The following AK5 variants were observed in gnomAD, a reference collection of about 807,000 sequenced individuals.
The protein encoded by AK5 is adenylate kinase isoenzyme 5.
Under a neutral mutation model 69.5 loss-of-function variants are expected in AK5, and 27 were observed. The observed-to-expected ratio is 0.39, with a 90% CI of 0.29 to 0.54. The LOEUF (loss-of-function observed/expected upper bound fraction) is 0.54, where lower values mean the gene tolerates loss of function less well. AK5 is among the 20% of genes least tolerant of loss of function. The pLI, the probability that AK5 is intolerant of heterozygous loss-of-function variation, is 0.71. For synonymous variants in AK5, 260 were observed against 244.4 expected (o/e 1.06, Z -0.60); for missense variants, 531 against 700.4 (o/e 0.76, Z 2.73).
intron 6 of AK5, among the ~76,000 whole-genome samples, chr1:77,400,181 A>T (rs1357253789): frequency 6.6e-6 from 1 of 152,108 alleles, no homozygotes; most frequent in Non-Finnish European, 1.5e-5. Flanking sequence ...CCATCCTAAG[A>T]CTACTTCCAA....
chr1:77,557,906 G>A (rs1409623080), intron 13 of AK5, among the ~76,000 whole-genome samples: 2 of 64,594 alleles, frequency 3.1e-5, no homozygotes, highest in Non-Finnish European at 6.2e-5. Context: ...ACCCCCCACC[G>A]CCCTCTGTTC....
In AK5 at chr1:77,367,701, TTA is replaced by T. The variant is rs1363181716; in HGVS notation, c.891+27141_891+27142del. Among the ~76,000 whole-genome samples, 37 of 84,934 alleles carry T rather than the reference TTA, an allele frequency of 4.4e-4. 2 individuals are homozygous for T. In the East Asian group the frequency reaches 6.6e-3, roughly 15 times the overall value. The allele number at this position is 84,934 out of a possible 152,430, so 55.7% of individuals were successfully genotyped here. The stretch of plus-strand genomic sequence containing the variant: ...ATATATGTTATATATACGTTATATG[TTA>T]TATATATGTTATATATAATATATGT... On this transcript the variant is annotated intron_variant, in intron 6 of 13. Coordinates refer to ENST00000354567, the MANE Select transcript of AK5 (RefSeq NM_174858.3).
intron 13 of AK5, among the ~76,000 whole-genome samples, chr1:77,553,848 G>A (rs1238075835): frequency 6.6e-6 from 1 of 152,108 alleles, no homozygotes. Context: ...GTTTGATAAG[G>A]CGAGCTCAGG....
At chr1:77,487,235 T>A (rs554048419) in intron 10 of AK5, among the ~76,000 whole-genome samples, 7 of 152,308 alleles carry the variant, frequency 4.6e-5, no homozygotes, top group Admixed American at 4.6e-4. Flanking sequence ...CTATTACATA[T>A]CTATTACATA....
intron 6 of AK5, among the ~76,000 whole-genome samples, chr1:77,343,539 C>T (rs976336827): frequency 2.0e-5 from 3 of 152,082 alleles, no homozygotes; most frequent in Non-Finnish European, 4.4e-5. Context: ...ATGCAGAGAG[C>T]GTGTTTTAAG....
At chr1:77,334,490 T>C (rs1203093551) in intron 5 of AK5, among the ~76,000 whole-genome samples, 1 of 152,174 alleles carries the variant, frequency 6.6e-6, no homozygotes, top group Non-Finnish European at 1.5e-5. Context: ...TGATGGCTTT[T>C]GTCAGTTTGG....
chr1:77,470,864 TATATATATA>T (rs1489906553), intron 8 of AK5, among the ~76,000 whole-genome samples: 13 of 2,586 alleles, frequency 5.0e-3, no homozygotes, highest in Admixed American at 0.011. Flanking sequence ...TATATATATA[TATATATATA>T]TATTTTTTTT....
chr1:77,461,447 A>G (rs775099551), intron 8 of AK5, among the ~76,000 whole-genome samples: 34 of 151,550 alleles, frequency 2.2e-4, no homozygotes, highest in Non-Finnish European at 4.1e-4. Context: ...GTCAAAGCAT[A>G]TATAATGACA....
chr1:77,463,008 T>A (rs1179002756), intron 8 of AK5, among the ~76,000 whole-genome samples: 1 of 152,216 alleles, frequency 6.6e-6, no homozygotes, highest in Non-Finnish European at 1.5e-5. Context: ...AAATCTTTCT[T>A]TTTATGATGT....
At chr1:77,414,811 C>T (rs575488333) in intron 7 of AK5, among the ~76,000 whole-genome samples, 9 of 152,170 alleles carry the variant, frequency 5.9e-5, no homozygotes, top group African/African-American at 1.4e-4. Context: ...AATTATCCAA[C>T]GAAAGAAGGC....
chr1:77,434,654 A>G (rs1233123069), intron 8 of AK5, among the ~76,000 whole-genome samples: 1 of 152,216 alleles, frequency 6.6e-6, no homozygotes, highest in Non-Finnish European at 1.5e-5. Flanking sequence ...AAAAAACATA[A>G]TAAAGACAAT....
intron 1 of AK5, chr1:77,282,697 C>T (rs1166902672): frequency 2.5e-5 from 28 of 1,106,004 alleles, no homozygotes; most frequent in African/African-American, 3.3e-5. Flanking sequence ...GGGCCGCACT[C>T]TCTGGGGGCG....
Position 77,559,458 on chromosome 1 carries a change from A to C in AK5, c.*788A>C, listed in dbSNP as rs914800438. The C allele has an allele frequency of 1.3e-5, 2 of 152,230 alleles. No homozygotes were observed. The highest frequency in any genetic ancestry group is 4.8e-5 in the African/African-American group (2 of 41,460). 9.4% of individuals were successfully genotyped at this position (152,230 alleles called of 1,614,324 possible). A position where few individuals can be genotyped will look rare whatever the true frequency, so the allele number is the denominator to read the frequency against. On this transcript the variant is annotated 3_prime_UTR_variant, in exon 14 of 14. Coordinates refer to ENST00000354567, the MANE Select transcript of AK5 (RefSeq NM_174858.3). The stretch of plus-strand genomic sequence containing the variant: ...CAATTATAAATTAATATAAATGACC[A>C]AAAGTAACTTAAAAGCATGAGATAT...
At chr1:77,375,857 G>A (rs1647217327) in intron 6 of AK5, among the ~76,000 whole-genome samples, 1 of 152,144 alleles carries the variant, frequency 6.6e-6, no homozygotes, top group Admixed American at 6.5e-5. Context: ...CCTGCCACTT[G>A]CTACATGTGT....
chr1:77,384,135 A>G (rs1307532046), intron 6 of AK5, among the ~76,000 whole-genome samples: 1 of 152,172 alleles, frequency 6.6e-6, no homozygotes, highest in Non-Finnish European at 1.5e-5. Flanking sequence ...AAAAGTTCAT[A>G]CTTGGCTGTT....
At chr1:77,444,388 TATATAGTATAA>T (rs1652585633) in intron 8 of AK5, among the ~76,000 whole-genome samples, 1 of 41,248 alleles carries the variant, frequency 2.4e-5, no homozygotes, top group Non-Finnish European at 4.8e-5. Flanking sequence ...ATATATAGTA[TATATAGTATAA>T]ATATATACTA....
At chr1:77,332,988 A>G (rs1661168150) in intron 5 of AK5, among the ~76,000 whole-genome samples, 1 of 151,844 alleles carries the variant, frequency 6.6e-6, no homozygotes, top group Non-Finnish European at 1.5e-5. Flanking sequence ...TTACTAGATC[A>G]TGCAAATTAA....
chr1:77,492,920 A>G (rs972256309), intron 10 of AK5, among the ~76,000 whole-genome samples: 1 of 152,218 alleles, frequency 6.6e-6, no homozygotes. Flanking sequence ...TGGCCCTGAC[A>G]TGGAGACTGA....
intron 8 of AK5, among the ~76,000 whole-genome samples, chr1:77,430,132 A>C (rs1180111920): frequency 1.9e-5 from 1 of 53,308 alleles, no homozygotes; most frequent in Non-Finnish European, 5.2e-5. Context: ...ATGGAGTTCA[A>C]AAAAAAAAAA....
Sources: allele counts gnomAD v4.1 joint callset (sites outside exome capture counted in the v4.1 genomes callset), GRCh38; gene constraint gnomAD v4.1.1; transcripts MANE v1.5; gene names NCBI Gene and HGNC (gene_info 2026-07-23, HGNC 2026-07-21).